CFAP20DC: variants seen among roughly 807,000 people sequenced by gnomAD.
The protein encoded by CFAP20DC is CFAP20 domain containing.
CFAP20DC carries 84 observed loss-of-function variants against 101.7 expected under a neutral mutation model. That is an observed-to-expected ratio of 0.83 (90% CI 0.69 to 0.99). CFAP20DC has a LOEUF of 0.99. Ranked by LOEUF, CFAP20DC falls within the 50% of genes least tolerant of loss-of-function variation. The pLI is 0.00. For synonymous variants in CFAP20DC, 359 were observed against 351.2 expected, an observed-to-expected ratio of 1.02 and a Z score of -0.25; for missense variants, 1,007 against 970.3, an observed-to-expected ratio of 1.04 and a Z score of -0.50.
rs145266592 is a variant in CFAP20DC, at chr3:58,940,013, C to T, written c.279-2251G>A. Among the ~76,000 whole-genome samples the T allele has an allele frequency of 4.4e-3, 663 of 152,168 alleles. 3 individuals carry two copies. Among genetic ancestry groups the T allele is most frequent in the African/African-American group, 0.014 (567 of 41,518 alleles). On this transcript the variant is annotated intron_variant, in intron 4 of 16. Coordinates refer to ENST00000482387, the MANE Select transcript of CFAP20DC (RefSeq NM_001394063.1). ...AACTACTGACCTCAGGTGATCGGCCCGCCTGGGCCTCCCAAAATGTTGGGA... is the reference window on the plus strand; with the variant it reads ...AACTACTGACCTCAGGTGATCGGCCTGCCTGGGCCTCCCAAAATGTTGGGA...
At chr3:58,807,794 G>A (rs1224572644) in intron 14 of CFAP20DC, among the ~76,000 whole-genome samples, 1 of 152,118 alleles carries the variant, frequency 6.6e-6, no homozygotes, top group African/African-American at 2.4e-5. Context: ...CAAACCAAAG[G>A]CAAAGAAGTT....
chr3:58,810,637 C>G (rs2074535688), intron 14 of CFAP20DC, among the ~76,000 whole-genome samples: 1 of 148,460 alleles, frequency 6.7e-6, no homozygotes, highest in Non-Finnish European at 1.5e-5. Context: ...CCTTTGAAAA[C>G]TGGCACAAGA....
chr3:58,986,783 C>A, intron 4 of CFAP20DC, among the ~76,000 whole-genome samples: 1 of 152,084 alleles, frequency 6.6e-6, no homozygotes, highest in African/African-American at 2.4e-5. Context: ...TACCAGCAAT[C>A]CATGCTACAG....
Position 58,806,388 on chromosome 3 carries a change from T to C in CFAP20DC, c.2237+7A>G, listed in dbSNP as rs770403540. ...TTTCTTAAATGTAGATTATTAATGA[T>C]TCTTACCGGGGATTAGAAGGAGAAG... On this transcript the variant is annotated splice_region_variant and intron_variant, in intron 15 of 16. Transcript: ENST00000482387. 7.7e-6 allele frequency: 12 copies of C among 1,565,652 alleles called. No homozygotes were observed. The highest frequency in any genetic ancestry group is 1.7e-5 in the Admixed American group (1 of 59,962).
At chr3:58,883,771 C>A (rs1382798020) in intron 7 of CFAP20DC, among the ~76,000 whole-genome samples, 1 of 151,980 alleles carries the variant, frequency 6.6e-6, no homozygotes, top group Non-Finnish European at 1.5e-5. Flanking sequence ...AATCAGAATC[C>A]CTGGGGCATA....
rs779887681 is a variant in CFAP20DC, at chr3:58,773,271, C to A, written c.2238-19408G>T. On this transcript the variant is annotated intron_variant, in intron 15 of 16. Transcript: ENST00000482387. Reference sequence around the variant, plus strand: ...TTCACCATTAAAAATATGAATTTGGCCAGGTGCAGTGGCTCATGCCTGTAA... The same window carrying A: ...TTCACCATTAAAAATATGAATTTGGACAGGTGCAGTGGCTCATGCCTGTAA... Among the ~76,000 whole-genome samples, 4 of 151,828 alleles carry A rather than the reference C, an allele frequency of 2.6e-5. No individual in the cohort carries two copies. The East Asian group carries it at 5.8e-4, about 22-fold the overall frequency.
intron 11 of CFAP20DC, among the ~76,000 whole-genome samples, chr3:58,865,995 AC>A (rs2079655168): frequency 6.6e-6 from 1 of 152,220 alleles, no homozygotes; most frequent in Non-Finnish European, 1.5e-5. Flanking sequence ...ATTGCAGCAA[AC>A]AAGATAAATG....
chr3:58,957,665 T>C (rs1245342757), intron 4 of CFAP20DC, among the ~76,000 whole-genome samples: 1 of 152,194 alleles, frequency 6.6e-6, no homozygotes, highest in East Asian at 1.9e-4. Context: ...GGAGTATTAT[T>C]CAGCCATAAA....
intron 14 of CFAP20DC, among the ~76,000 whole-genome samples, chr3:58,827,871 G>C (rs1575792689): frequency 6.6e-6 from 1 of 152,184 alleles, no homozygotes; most frequent in East Asian, 1.9e-4. Context: ...CATATGTGTG[G>C]AATGAGTGAA....
intron 4 of CFAP20DC, among the ~76,000 whole-genome samples, chr3:59,004,458 A>G (rs1307911631): frequency 6.6e-6 from 1 of 152,218 alleles, no homozygotes; most frequent in African/African-American, 2.4e-5. Flanking sequence ...GCATTTACAG[A>G]TAAGGCCACT....
rs545942905 is a variant in CFAP20DC, at chr3:58,806,509, T to C, written c.2176-53A>G. ...TTTAATCAGCACAAAGCTGTTTACA[T>C]AGACATTCACATGCACTCTCATTAC... On this transcript the variant is annotated intron_variant, in intron 14 of 16. Coordinates refer to ENST00000482387, the MANE Select transcript of CFAP20DC (RefSeq NM_001394063.1). 3.9e-5 allele frequency: 51 copies of C among 1,322,574 alleles called. No homozygotes were observed. The South Asian group carries it at 4.1e-4, about 11-fold the overall frequency. The allele number at this position is 1,322,574 out of a possible 1,614,324, so 81.9% of individuals were successfully genotyped here.
In CFAP20DC at chr3:58,722,226, T is replaced by A. The variant is rs1241467130; in HGVS notation, c.198-4598A>T. ...AGGCATGTGAGAAGCCTCCCAGTGA[T>A]TCCAGCCACCAAGTGTTCAGTCACC... is the stretch of plus-strand genomic sequence containing the variant. On this transcript the variant is annotated intron_variant, in intron 3 of 3. Coordinates refer to the CFAP20DC transcript ENST00000486145. This position sits in a 1 kb window ranked among gnomAD's most constrained non-coding sequence, Gnocchi z 4.5. Among the ~76,000 whole-genome samples, 1 of 152,130 alleles carries A rather than the reference T, an allele frequency of 6.6e-6. No individual in the cohort carries two copies. Among genetic ancestry groups the A allele is most frequent in the Non-Finnish European group, 1.5e-5 (1 of 68,020 alleles).
chr3:58,843,175 T>C (rs377535625), intron 13 of CFAP20DC, among the ~76,000 whole-genome samples: 3 of 152,146 alleles, frequency 2.0e-5, no homozygotes, highest in Non-Finnish European at 4.4e-5. Flanking sequence ...ATGACTTTGA[T>C]GAGCTGAGAG....
At chr3:58,934,537 A>G (rs1441696624) in intron 5 of CFAP20DC, among the ~76,000 whole-genome samples, 1 of 152,202 alleles carries the variant, frequency 6.6e-6, no homozygotes, top group Non-Finnish European at 1.5e-5. Flanking sequence ...AATACTGGCA[A>G]ACCGAATCCA....
chr3:58,945,242 G>GAA (rs2089186052), intron 4 of CFAP20DC, among the ~76,000 whole-genome samples: 1 of 152,126 alleles, frequency 6.6e-6, no homozygotes, highest in African/African-American at 2.4e-5. Flanking sequence ...TCCACCTTCT[G>GAA]AAGTACATGC....
Position 58,806,375 on chromosome 3 carries a change from AG to A in CFAP20DC, c.2237+19del. The A allele has an allele frequency of 6.7e-7, 1 of 1,489,752 alleles. No homozygotes were observed. Among genetic ancestry groups the A allele is most frequent in the Non-Finnish European group, 9.3e-7 (1 of 1,069,568 alleles). 92.3% of individuals were successfully genotyped at this position (1,489,752 alleles called of 1,614,324 possible). A position where few individuals can be genotyped will look rare whatever the true frequency, so the allele number is the denominator to read the frequency against. On this transcript the variant is annotated intron_variant, in intron 15 of 16. Transcript: ENST00000482387. ...CTAAGTTTTTTTTTTTCTTAAATGTAGATTATTAATGATTCTTACCGGGGAT... is the reference window on the plus strand; with the variant it reads ...CTAAGTTTTTTTTTTTCTTAAATGTAATTATTAATGATTCTTACCGGGGAT...
chr3:58,752,751 C>T (rs1311106390), intron 16 of CFAP20DC, among the ~76,000 whole-genome samples: 2 of 152,062 alleles, frequency 1.3e-5, no homozygotes, highest in African/African-American at 2.4e-5. Flanking sequence ...GCGGCCAAAA[C>T]GTACAACTCA....
chr3:58,919,405 T>A (rs916221789), intron 5 of CFAP20DC, among the ~76,000 whole-genome samples: 6 of 152,226 alleles, frequency 3.9e-5, no homozygotes, highest in African/African-American at 9.6e-5. Context: ...TACCACAGTG[T>A]CTTAATTACT....
At chr3:58,781,339 TAAAATAAA>T (rs2071807765) in intron 15 of CFAP20DC, among the ~76,000 whole-genome samples, 1 of 151,212 alleles carries the variant, frequency 6.6e-6, no homozygotes, top group East Asian at 1.9e-4. Flanking sequence ...AAGTAGCAAA[TAAAATAAA>T]AGTAGATTTC....
Sources: gnomAD v4.1 joint callset for allele counts (sites outside exome capture counted in the v4.1 genomes callset) on GRCh38, gnomAD v4.1.1 for gene constraint, Gnocchi (gnomAD v3.1) non-coding constraint, MANE v1.5 for transcripts, NCBI Gene and HGNC (gene_info 2026-07-23, HGNC 2026-07-21) for gene names.